DARS1: variants seen among roughly 807,000 people sequenced by gnomAD.
The protein encoded by DARS1 is aspartate--tRNA ligase, cytoplasmic.
A neutral mutation model predicts 68.8 loss-of-function variants in DARS1; 51 were observed. That is an observed-to-expected ratio of 0.74 (90% CI 0.59 to 0.94). The LOEUF is 0.94. Ranked by LOEUF, DARS1 falls within the 40% of genes least tolerant of loss-of-function variation. The probability of loss-of-function intolerance (pLI) is 0.00; values close to 1 mark genes in which losing one functional copy is unlikely to be tolerated. For synonymous variants in DARS1, 203 were observed against 190.4 expected, an observed-to-expected ratio of 1.07 and a Z score of -0.55; for missense variants, 607 against 597.3, an observed-to-expected ratio of 1.02 and a Z score of -0.17.
intron 5 of DARS1, among the ~76,000 whole-genome samples, chr2:135,940,670 C>T (rs1014829533): frequency 1.3e-5 from 2 of 152,104 alleles, no homozygotes; most frequent in Non-Finnish European, 2.9e-5. Flanking sequence ...GGCAATCAGG[C>T]ACGAGAAAGG....
Position 135,933,935 on chromosome 2 carries a change from A to T in DARS1, c.479T>A (p.Val160Asp). The part of the protein sequence containing the change: ...PRLPLQLDDA[V>D]RPEAEGEEEG... ...CTCTTCTCCTTCTGCCTCAGGCCGA[A>T]CAGCATCATCCAGCTGCAGGGGCAG... The change falls in exon 6 of 16, where the codon GTT (valine) becomes GAT (aspartate). Residue 160 changes from valine (V) to aspartate (D), a missense_variant. Physicochemically the swap from Val to Asp is radical, Grantham distance 152. Coordinates refer to ENST00000264161, the MANE Select transcript of DARS1 (RefSeq NM_001349.4). 1 of 1,613,800 alleles carries T rather than the reference A, an allele frequency of 6.2e-7. No individual in the cohort carries two copies. Among genetic ancestry groups the T allele is most frequent in the Non-Finnish European group, 8.5e-7 (1 of 1,179,746 alleles).
chr2:135,940,611 G>A (rs1334329477), intron 5 of DARS1, among the ~76,000 whole-genome samples: 6 of 152,186 alleles, frequency 3.9e-5, no homozygotes, highest in African/African-American at 1.4e-4. Context: ...AGACAGGTAT[G>A]TCCTCTCTCA....
intron 3 of DARS1, among the ~76,000 whole-genome samples, chr2:135,967,399 T>C (rs940975491): frequency 6.6e-6 from 1 of 152,232 alleles, no homozygotes; most frequent in African/African-American, 2.4e-5. Flanking sequence ...GCCTTCCACA[T>C]GGTACGTATA....
chr2:135,934,110 A>G, intron 5 of DARS1, 120 bp from the exon 6 acceptor site: 1 of 1,405,676 alleles, frequency 7.1e-7, no homozygotes, highest in South Asian at 1.7e-5. Context: ...TTTAATTGAA[A>G]CTACTTGCTG....
chr2:135,934,318 A>G (rs1342861105), intron 5 of DARS1, among the ~76,000 whole-genome samples: 2 of 152,150 alleles, frequency 1.3e-5, no homozygotes, highest in Non-Finnish European at 2.9e-5. Context: ...CGGTCTAGCT[A>G]TGTCAAAAAA....
intron 4 of DARS1, among the ~76,000 whole-genome samples, chr2:135,950,875 T>C (rs187096299): frequency 6.6e-6 from 1 of 152,072 alleles, no homozygotes; most frequent in Admixed American, 6.5e-5. Flanking sequence ...GGGGAGTTTG[T>C]AGGGTGTTTG....
intron 3 of DARS1, among the ~76,000 whole-genome samples, chr2:135,962,299 TC>T (rs1682119891): frequency 6.6e-6 from 1 of 152,202 alleles, no homozygotes; most frequent in Admixed American, 6.5e-5. Context: ...CCTTGTGACA[TC>T]CCTTTTTCCT....
chr2:135,953,485 G>T lies in DARS1; in HGVS notation c.320+7911C>A, dbSNP rs113998842. Among the ~76,000 whole-genome samples, 1,310 of 152,172 alleles carry T rather than the reference G, an allele frequency of 8.6e-3. 16 individuals are homozygous for T. The highest frequency in any genetic ancestry group is 0.028 in the African/African-American group (1,156 of 41,490). ...TTACTTCTCAAGAGAGTGATACAAA[G>T]GTGCAAAACGTATTGTGTTGTGTTA... On this transcript the variant is annotated intron_variant, in intron 4 of 15. Transcript: ENST00000264161.
intron 10 of DARS1, among the ~76,000 whole-genome samples, chr2:135,918,226 G>T (rs1479251971): frequency 1.3e-5 from 2 of 152,078 alleles, no homozygotes; most frequent in Non-Finnish European, 2.9e-5. Flanking sequence ...GCTCCCAAAT[G>T]ATTTTTAAAT....
chr2:135,972,150 T>G (rs764537712), intron 3 of DARS1, among the ~76,000 whole-genome samples: 4 of 152,040 alleles, frequency 2.6e-5, no homozygotes, highest in Non-Finnish European at 5.9e-5. Flanking sequence ...ATAATAAAAC[T>G]GGAGGAATCA....
Position 135,907,090 on chromosome 2 carries a change from AT to A in DARS1, c.*225del, listed in dbSNP as rs1680796820. ...TTCCTACTGATGCATGTCTGAAGTT[AT>A]AAAAATCTCTTTTAAACGAACCTAT... On this transcript the variant is annotated 3_prime_UTR_variant, in exon 16 of 16. Transcript: ENST00000264161. 1 of 308,846 alleles carries A rather than the reference AT, an allele frequency of 3.2e-6. No homozygotes were observed. 19.1% of individuals were successfully genotyped at this position (308,846 alleles called of 1,614,324 possible). A position where few individuals can be genotyped will look rare whatever the true frequency, so the allele number is the denominator to read the frequency against.
intron 4 of DARS1, among the ~76,000 whole-genome samples, chr2:135,952,208 C>A (rs1681852984): frequency 6.6e-6 from 1 of 152,184 alleles, no homozygotes; most frequent in African/African-American, 2.4e-5. Flanking sequence ...TGCACCACTG[C>A]ACTCCAGCCT....
At chr2:135,923,539 C>T (rs891386710) in intron 8 of DARS1, among the ~76,000 whole-genome samples, 9 of 152,140 alleles carry the variant, frequency 5.9e-5, no homozygotes, top group African/African-American at 1.9e-4. Flanking sequence ...CCACCCACCT[C>T]GGCTTCCCAA....
chr2:135,954,612 G>T (rs1045891172), intron 4 of DARS1, among the ~76,000 whole-genome samples: 3 of 152,072 alleles, frequency 2.0e-5, no homozygotes, highest in Non-Finnish European at 4.4e-5. Context: ...ATCCAAATAA[G>T]CATAAAAATC....
At chr2:135,981,210 T>A (rs1290334344) in intron 2 of DARS1, among the ~76,000 whole-genome samples, 7 of 152,204 alleles carry the variant, frequency 4.6e-5, no homozygotes, top group Admixed American at 4.6e-4. Flanking sequence ...ACAGCAATTA[T>A]GTTAATGGCT....
At chr2:135,922,959 T>G in intron 8 of DARS1, 41 bp from the exon 9 acceptor site, 1 of 1,420,902 alleles carries the variant, frequency 7.0e-7, no homozygotes, top group Non-Finnish European at 9.2e-7. Context: ...TATAATCAAT[T>G]GTAAACTTAT....
intron 3 of DARS1, among the ~76,000 whole-genome samples, chr2:135,978,784 C>T (rs1331955612): frequency 1.3e-5 from 2 of 152,114 alleles, no homozygotes; most frequent in Non-Finnish European, 2.9e-5. Flanking sequence ...GCTAGTGTGA[C>T]GGAATTACTG....
intron 2 of DARS1, among the ~76,000 whole-genome samples, chr2:135,983,137 T>C (rs1027393760): frequency 6.6e-6 from 1 of 152,204 alleles, no homozygotes; most frequent in Admixed American, 6.5e-5. Flanking sequence ...TTTAGGAATA[T>C]TTAAAAAATA....
rs150198584 is a variant in DARS1 at position 135,940,045 on chromosome 2, C to T, written c.423+3333G>A. On this transcript the variant is annotated intron_variant, in intron 5 of 15. Coordinates refer to ENST00000264161, the MANE Select transcript of DARS1 (RefSeq NM_001349.4). ...CCTACCAACCAAAAAAAGTCCAGGA[C>T]CAGACGGATTCACAACTGAATTCTA... 7.5e-3 allele frequency among the ~76,000 whole-genome samples: 1,148 copies of T among 152,270 alleles called. 11 individuals are homozygous for T. The highest frequency in any genetic ancestry group is 0.026 in the African/African-American group (1,082 of 41,550).
Sources: gnomAD v4.1 joint callset for allele counts (sites outside exome capture counted in the v4.1 genomes callset) on GRCh38, gnomAD v4.1.1 for gene constraint, MANE v1.5 for transcripts, NCBI Gene and HGNC (gene_info 2026-07-23, HGNC 2026-07-21) for gene names.